MAF: variants seen among roughly 807,000 people sequenced by gnomAD.
MAF encodes transcription factor Maf.
MAF carries 10 observed loss-of-function variants against 22.0 expected under a neutral mutation model. The observed-to-expected ratio is 0.45, with a 90% CI of 0.28 to 0.77. The LOEUF (loss-of-function observed/expected upper bound fraction) is 0.77, where lower values mean the gene tolerates loss of function less well. Among genes scored for constraint, MAF ranks in the 30% least tolerant of loss-of-function variants. The pLI is 0.12. For synonymous variants in MAF, 337 were observed against 255.8 expected, an observed-to-expected ratio of 1.32 and a Z score of -3.03; for missense variants, 544 against 548.4, an observed-to-expected ratio of 0.99 and a Z score of 0.08.
the MAF span, among the ~76,000 whole-genome samples, chr16:79,351,016 C>G: frequency 6.6e-6 from 1 of 152,058 alleles, no homozygotes; most frequent in Non-Finnish European, 1.5e-5. Flanking sequence ...GCTTGAGAAT[C>G]CTACAGACAC....
chr16:79,596,267 A>T (rs897491083), intron 1 of MAF: 77 of 1,060,176 alleles, frequency 7.3e-5, no homozygotes, highest in Non-Finnish European at 8.6e-5. Flanking sequence ...GGGGAGAAAA[A>T]AATGAGGTCA....
At chr16:79,357,006 C>A in the MAF span, among the ~76,000 whole-genome samples, 1 of 152,180 alleles carries the variant, frequency 6.6e-6, no homozygotes, top group Non-Finnish European at 1.5e-5. Context: ...CCTGTAATCC[C>A]AGCACTTTGG....
At chr16:79,243,118 C>T in the MAF span, among the ~76,000 whole-genome samples, 1 of 151,814 alleles carries the variant, frequency 6.6e-6, no homozygotes, top group South Asian at 2.1e-4. Flanking sequence ...AAAATCGACA[C>T]CCTAACATCA....
chr16:79,582,989 G>T (rs1184491553), downstream of MAF, among the ~76,000 whole-genome samples: 1 of 152,170 alleles, frequency 6.6e-6, no homozygotes, highest in Non-Finnish European at 1.5e-5. Flanking sequence ...CTTTTGTATG[G>T]CACCACGTGG....
At chr16:79,517,653 C>A in the MAF span, among the ~76,000 whole-genome samples, 1 of 149,872 alleles carries the variant, frequency 6.7e-6, no homozygotes, top group Non-Finnish European at 1.5e-5. Context: ...TGGCTCACTG[C>A]AATCTCTGCC....
the MAF span, among the ~76,000 whole-genome samples, chr16:79,429,373 T>G: frequency 6.6e-6 from 1 of 152,176 alleles, no homozygotes; most frequent in Non-Finnish European, 1.5e-5. Context: ...TGCTCTTTTG[T>G]GTGCCTCCTC....
chr16:79,313,562 G>C, the MAF span, among the ~76,000 whole-genome samples: 3 of 152,156 alleles, frequency 2.0e-5, no homozygotes, highest in Non-Finnish European at 2.9e-5. Flanking sequence ...TGAATCTTAA[G>C]AGTCAGTCCC....
the MAF span, among the ~76,000 whole-genome samples, chr16:79,231,267 C>G: frequency 6.6e-6 from 1 of 151,978 alleles, no homozygotes; most frequent in Non-Finnish European, 1.5e-5. Context: ...AGAACCCGGG[C>G]TAGCATGCAC....
the MAF span, among the ~76,000 whole-genome samples, chr16:79,413,216 T>TG: frequency 2.4e-4 from 3 of 12,450 alleles, no homozygotes; most frequent in African/African-American, 8.4e-4. Flanking sequence ...TGCAGTTTTT[T>TG]TTTTTTTTTT....
At chr16:79,428,639 A>T in the MAF span, among the ~76,000 whole-genome samples, 2 of 152,048 alleles carry the variant, frequency 1.3e-5, no homozygotes, top group East Asian at 3.9e-4. Flanking sequence ...CAGGGTTTTG[A>T]GACCAGCCTG....
chr16:79,241,036 G>A, the MAF span, among the ~76,000 whole-genome samples: 8 of 152,144 alleles, frequency 5.3e-5, no homozygotes, highest in South Asian at 1.2e-3. Flanking sequence ...TCATCCAAAT[G>A]TCACCAACAT....
At chr16:79,280,236 G>T in the MAF span, among the ~76,000 whole-genome samples, 25 of 152,338 alleles carry the variant, frequency 1.6e-4, no homozygotes, top group South Asian at 5.2e-3. Flanking sequence ...CTATAATTGG[G>T]ACTTTTTTGA....
chr16:79,544,120 T>A, the MAF span, among the ~76,000 whole-genome samples: 1 of 152,038 alleles, frequency 6.6e-6, no homozygotes, highest in East Asian at 1.9e-4. Flanking sequence ...TGGTATGATA[T>A]GGTCAACCGT....
At chr16:79,573,889 A>G in the MAF span, among the ~76,000 whole-genome samples, 3 of 152,204 alleles carry the variant, frequency 2.0e-5, no homozygotes, top group South Asian at 6.2e-4. Flanking sequence ...ATTTTGACAG[A>G]TTGCAAAGAT....
the MAF span, among the ~76,000 whole-genome samples, chr16:79,433,251 TGTAAG>T: frequency 7.3e-6 from 1 of 136,764 alleles, no homozygotes; most frequent in Non-Finnish European, 1.6e-5. Flanking sequence ...AAATACATAA[TGTAAG>T]ATAAGACAAG....
chr16:79,213,934 T>C, the MAF span, among the ~76,000 whole-genome samples: 2 of 152,304 alleles, frequency 1.3e-5, no homozygotes, highest in East Asian at 3.9e-4. Context: ...CAGCTACCTC[T>C]CTAATCTCAA....
At chr16:79,347,336 C>A in the MAF span, among the ~76,000 whole-genome samples, 1 of 152,216 alleles carries the variant, frequency 6.6e-6, no homozygotes, top group Non-Finnish European at 1.5e-5. Flanking sequence ...GGGGCCTCAC[C>A]TAGTGAGTGG....
At chr16:79,437,514 G>A in the MAF span, among the ~76,000 whole-genome samples, 1 of 152,034 alleles carries the variant, frequency 6.6e-6, no homozygotes, top group African/African-American at 2.4e-5. Flanking sequence ...TTACAGTGAG[G>A]GAGACAAAGG....
At chr16:79,251,711 G>A in the MAF span, among the ~76,000 whole-genome samples, 3 of 152,196 alleles carry the variant, frequency 2.0e-5, no homozygotes, top group African/African-American at 7.2e-5. Flanking sequence ...GTCCCTCAGT[G>A]CAATCCCTGG....
Sources: allele counts gnomAD v4.1 joint callset (sites outside exome capture counted in the v4.1 genomes callset), GRCh38; gene constraint gnomAD v4.1.1; transcripts MANE v1.5; gene names NCBI Gene and HGNC (gene_info 2026-07-23, HGNC 2026-07-21).